Variants in IGFL1 observed in about 807,000 individuals in gnomAD.
The protein encoded by IGFL1 is IGF like family member 1, also known as insulin growth factor-like family member 1.
Under a neutral mutation model 16.0 loss-of-function variants are expected in IGFL1, and 16 were observed. That is an observed-to-expected ratio of 1.00 (90% CI 0.68 to 1.52). IGFL1 has a LOEUF of 1.52. Among genes scored for constraint, IGFL1 ranks in the 40% most tolerant of loss-of-function variants. IGFL1 has a pLI of 0.00. For missense variants in IGFL1, 149 were observed against 141.7 expected, an observed-to-expected ratio of 1.05 and a Z score of -0.26; for synonymous variants, 59 against 54.0, an observed-to-expected ratio of 1.09 and a Z score of -0.41.
chr19:46,230,764 C>T, intron 3 of IGFL1, 57 bp from the exon 4 acceptor site: 3 of 1,588,484 alleles, frequency 1.9e-6, no homozygotes, highest in Non-Finnish European at 8.6e-7. Context: ...TTCAGTCTCG[C>T]CCCCATCTCT....
rs1167643358 is a variant in IGFL1 at position 46,229,791 on chromosome 19, G to GC, written c.18dup (p.Ile7HisfsTer51). 6.2e-7 allele frequency: 1 copy of GC among 1,607,264 alleles called. No homozygotes were observed. Among genetic ancestry groups the GC allele is most frequent in the Non-Finnish European group, 8.5e-7 (1 of 1,177,244 alleles). ...CCCAGAGCCATGGCTCCCCGAGGCT[G>GC]CATCGTAGGTAAGGAGGACAGGACC... On this transcript the variant is annotated frameshift_variant, in exon 1 of 4. Transcript: ENST00000437936. LOFTEE classifies it high-confidence loss of function.
chr19:46,230,663 C>T lies in IGFL1; in HGVS notation c.323+146C>T. On this transcript the variant is annotated intron_variant, in intron 3 of 3. Transcript: ENST00000437936. Reference sequence around the variant, plus strand: ...CCTCTCCCTTTCCCTACACCTGTGTCTCCATCCATTTTTATTTCCCTCTCA... The same window carrying T: ...CCTCTCCCTTTCCCTACACCTGTGTTTCCATCCATTTTTATTTCCCTCTCA... The T allele has an allele frequency of 2.1e-6, 3 of 1,399,412 alleles. No homozygotes were observed. The South Asian group carries it at 3.6e-5, about 17-fold the overall frequency. The allele number at this position is 1,399,412 out of a possible 1,614,324, so 86.7% of individuals were successfully genotyped here.
Position 46,231,042 on chromosome 19 carries a change from C to A in IGFL1, c.*212C>A. On this transcript the variant is annotated 3_prime_UTR_variant, in exon 4 of 4. Coordinates refer to ENST00000437936, the MANE Select transcript of IGFL1 (RefSeq NM_198541.2). ...ACAGGTCCCCTTCTAGAATTCTGGA[C>A]AGCATGAGATGCGTGTGCTGATGGG... The A allele has an allele frequency of 1.6e-6, 1 of 637,776 alleles. No individual in the cohort carries two copies. The highest frequency in any genetic ancestry group is 2.8e-6 in the Non-Finnish European group (1 of 352,238). 39.5% of individuals were successfully genotyped at this position (637,776 alleles called of 1,614,324 possible). A position where few individuals can be genotyped will look rare whatever the true frequency, so the allele number is the denominator to read the frequency against.
intron 3 of IGFL1, 126 bp from the exon 4 acceptor site, chr19:46,230,695 C>A: frequency 7.3e-7 from 1 of 1,374,966 alleles, no homozygotes; most frequent in Non-Finnish European, 1.0e-6. Context: ...CTCAGAATCT[C>A]ACTCTCTCTA....
intron 2 of IGFL1, 41 bp downstream of exon 2, chr19:46,230,202 C>T: frequency 6.2e-7 from 1 of 1,613,702 alleles, no homozygotes; most frequent in Non-Finnish European, 8.5e-7. Context: ...GAGGGGTACA[C>T]CTTCCAGGGG....
Position 46,230,360 on chromosome 19 carries a change from T to C in IGFL1, c.166T>C (p.Tyr56His), listed in dbSNP as rs1363012628. The change falls in exon 3 of 4, where the codon TAT becomes CAT. Residue 56 changes from tyrosine (Y) to histidine (H), a missense_variant. Physicochemically the swap from Tyr to His is moderately conservative, Grantham distance 83. Transcript: ENST00000437936. Reference sequence around the variant, plus strand: ...CTACGACCCCCTGCAGCACTGTTGCTATGATGATGCCGTCGTGCCCTTGGC... The same window carrying C: ...CTACGACCCCCTGCAGCACTGTTGCCATGATGATGCCGTCGTGCCCTTGGC... ...KFYDPLQHCC[Y>H]DDAVVPLART... 1.2e-6 allele frequency: 2 copies of C among 1,613,898 alleles called. No individual in the cohort carries two copies. The highest frequency in any genetic ancestry group is 1.7e-6 in the Non-Finnish European group (2 of 1,179,900).
Position 46,230,445 on chromosome 19 carries a change from G to C in IGFL1, c.251G>C (p.Trp84Ser). ...FRVCFEQCCP[W>S]TFMVKLINQN... is the part of the protein sequence containing the mutation. ...GTCTGCTTTGAGCAGTGCTGCCCCT[G>C]GACCTTCATGGTGAAGCTGATAAAC... Residue 84 changes from tryptophan to serine, a missense_variant, in exon 3 of 4, where the codon TGG becomes TCG. Trp to Ser is a radical substitution (Grantham distance 177). Coordinates refer to ENST00000437936, the MANE Select transcript of IGFL1 (RefSeq NM_198541.2). 1.2e-6 allele frequency: 2 copies of C among 1,614,032 alleles called. No individual in the cohort carries two copies. The highest frequency in any genetic ancestry group is 1.7e-6 in the Non-Finnish European group (2 of 1,179,896).
chr19:46,229,783 C>A lies in IGFL1; in HGVS notation c.9C>A (p.Pro3=). The change falls in exon 1 of 4, where the codon CCC becomes CCA. Residue 3 remains proline (P), a synonymous_variant. Transcript: ENST00000437936. ...TGCAACCACCCAGAGCCATGGCTCC[C>A]CGAGGCTGCATCGTAGGTAAGGAGG... MA[P]RGCIVAVFAI... 1 of 1,607,452 alleles carries A rather than the reference C, an allele frequency of 6.2e-7. No homozygotes were observed. The highest frequency in any genetic ancestry group is 2.2e-5 in the East Asian group (1 of 44,580).
Position 46,230,497 on chromosome 19 carries a change from G to C in IGFL1, c.303G>C (p.Ser101=), listed in dbSNP as rs781191404. The C allele has an allele frequency of 1.2e-6, 2 of 1,613,788 alleles. No homozygotes were observed. Among genetic ancestry groups the C allele is most frequent in the Non-Finnish European group, 8.5e-7 (1 of 1,179,902 alleles). The change falls in exon 3 of 4, where the codon TCG becomes TCC. Residue 101 remains serine, a synonymous_variant. Coordinates refer to ENST00000437936, the MANE Select transcript of IGFL1 (RefSeq NM_198541.2). ...AGAACTGCGACTCAGCCCGGACCTCGGATGACAGGCTTTGTCGCAGGTGAG... is the reference window on the plus strand; with the variant it reads ...AGAACTGCGACTCAGCCCGGACCTCCGATGACAGGCTTTGTCGCAGGTGAG... ...INQNCDSART[S]DDRLCRSVS is the part of the protein sequence containing the mutation.
rs189908850 is a variant in IGFL1 at position 46,230,847 on chromosome 19, C to T, written c.*17C>T. 7.5e-5 allele frequency: 120 copies of T among 1,608,416 alleles called. No individual in the cohort carries two copies. The African/African-American group carries it at 1.3e-3, about 18-fold the overall frequency. ...GTCAGCTAATGGAACATCAGGGGAA[C>T]GATGACTCCTGGATTCTCCTTCCTG... is the stretch of plus-strand genomic sequence containing the variant. On this transcript the variant is annotated 3_prime_UTR_variant, in exon 4 of 4. Transcript: ENST00000437936.
chr19:46,230,696 A>C (rs1431275092), intron 3 of IGFL1, 125 bp from the exon 4 acceptor site: 3 of 1,367,488 alleles, frequency 2.2e-6, no homozygotes, highest in African/African-American at 2.9e-5. Flanking sequence ...TCAGAATCTC[A>C]CTCTCTCTAC....
At chr19:46,229,973 C>T (rs1287457771) in intron 1 of IGFL1, 135 bp from the exon 2 acceptor site, 1 of 1,243,414 alleles carries the variant, frequency 8.0e-7, no homozygotes, top group East Asian at 2.4e-5. Context: ...CAGCCCCATC[C>T]ACAGCCCTGT....
At chr19:46,230,729 T>C (rs1271026624) in intron 3 of IGFL1, 92 bp from the exon 4 acceptor site, 4 of 1,468,784 alleles carry the variant, frequency 2.7e-6, no homozygotes, top group Non-Finnish European at 3.8e-6. Context: ...TCCTCCTGGC[T>C]CTCCTGTCCT....
At position 46,231,238 on chromosome 19, in the gene IGFL1, A is replaced by T; in HGVS notation, c.*408A>T. 7.5e-6 allele frequency: 2 copies of T among 267,172 alleles called. No homozygotes were observed. The highest frequency in any genetic ancestry group is 1.2e-4 in the South Asian group (2 of 16,566). The allele number at this position is 267,172 out of a possible 1,614,324, so 16.6% of individuals were successfully genotyped here. A position where few individuals can be genotyped will look rare whatever the true frequency, so the allele number is the denominator to read the frequency against. The stretch of plus-strand genomic sequence containing the variant: ...TCATAATAAATTTATGTACTTTATA[A>T]ATGAATGCTGTAGAATTCATGAATT... On this transcript the variant is annotated 3_prime_UTR_variant, in exon 4 of 4. Coordinates refer to ENST00000437936, the MANE Select transcript of IGFL1 (RefSeq NM_198541.2).
Position 46,230,924 on chromosome 19 carries a change from G to T in IGFL1, c.*94G>T. 8.0e-7 allele frequency: 1 copy of T among 1,257,010 alleles called. No individual in the cohort carries two copies. The highest frequency in any genetic ancestry group is 1.1e-6 in the Non-Finnish European group (1 of 875,482). The allele number at this position is 1,257,010 out of a possible 1,614,324, so 77.9% of individuals were successfully genotyped here. A position where few individuals can be genotyped will look rare whatever the true frequency, so the allele number is the denominator to read the frequency against. ...TTACCTGAGATCTGGGATGCTGAGTGGCTGTTTGGGGGCCAGAGAAACACA... is the reference window on the plus strand; with the variant it reads ...TTACCTGAGATCTGGGATGCTGAGTTGCTGTTTGGGGGCCAGAGAAACACA... On this transcript the variant is annotated 3_prime_UTR_variant, in exon 4 of 4. Coordinates refer to ENST00000437936, the MANE Select transcript of IGFL1 (RefSeq NM_198541.2).
At chr19:46,230,800 T>C (rs1967235226) in intron 3 of IGFL1, 21 bp from the exon 4 acceptor site, 4 of 1,611,540 alleles carry the variant, frequency 2.5e-6, no homozygotes, top group Non-Finnish European at 3.4e-6. Context: ...GCTCAGTGTC[T>C]CTCTCTGTCA....
In IGFL1 at chr19:46,231,096, AC is replaced by A; in HGVS notation, c.*270del. ...CCAGGGACTCTGAACCCTCCTGATG[AC>A]CCCTATGGCCAACATCAACCCGGCA... On this transcript the variant is annotated 3_prime_UTR_variant, in exon 4 of 4. Transcript: ENST00000437936. The A allele has an allele frequency of 1.8e-6, 1 of 566,920 alleles. No individual in the cohort carries two copies. The allele number at this position is 566,920 out of a possible 1,614,324, so 35.1% of individuals were successfully genotyped here.
At position 46,230,525 on chromosome 19, in the gene IGFL1, C is replaced by G. The variant is rs1321690539; in HGVS notation, c.323+8C>G. On this transcript the variant is annotated splice_region_variant and intron_variant, in intron 3 of 3. Coordinates refer to ENST00000437936, the MANE Select transcript of IGFL1 (RefSeq NM_198541.2). ...TGACAGGCTTTGTCGCAGGTGAGTC[C>G]TGTCCCCTCCGTGGGATTGTGGGTG... 6.2e-7 allele frequency: 1 copy of G among 1,612,890 alleles called. No homozygotes were observed. Among genetic ancestry groups the G allele is most frequent in the Non-Finnish European group, 8.5e-7 (1 of 1,179,360 alleles).
Position 46,230,464 on chromosome 19 carries a change from G to A in IGFL1, c.270G>A (p.Leu90=), listed in dbSNP as rs1268501579. 6.2e-7 allele frequency: 1 copy of A among 1,614,030 alleles called. No homozygotes were observed. Among genetic ancestry groups the A allele is most frequent in the Non-Finnish European group, 8.5e-7 (1 of 1,179,906 alleles). The change falls in exon 3 of 4, where the codon CTG becomes CTA. Residue 90 remains leucine, a synonymous_variant. Coordinates refer to ENST00000437936, the MANE Select transcript of IGFL1 (RefSeq NM_198541.2). ...QCCPWTFMVK[L]INQNCDSART... is the part of the protein sequence containing the mutation. ...GCCCCTGGACCTTCATGGTGAAGCT[G>A]ATAAACCAGAACTGCGACTCAGCCC...
Sources: gnomAD v4.1 joint callset for allele counts on GRCh38, gnomAD v4.1.1 for gene constraint, MANE v1.5 for transcripts, NCBI Gene and HGNC (gene_info 2026-07-23, HGNC 2026-07-21) for gene names.